Variants in NPAS3 observed in about 807,000 individuals in gnomAD.
NPAS3 encodes neuronal PAS domain-containing protein 3.
NPAS3 carries 14 observed loss-of-function variants against 73.1 expected under a neutral mutation model. The ratio of observed to expected loss-of-function variants is 0.19; its 90% CI spans 0.13 to 0.30. The LOEUF (loss-of-function observed/expected upper bound fraction) is 0.30. NPAS3 is among the 10% of genes least tolerant of loss of function. The pLI is 1.00. For missense variants in NPAS3, 1,096 were observed against 1,250.0 expected (o/e 0.88, Z 1.86); for synonymous variants, 620 against 541.5 (o/e 1.14, Z -2.01).
chr14:33,015,126 G>T (rs569513671), intron 1 of NPAS3, among the ~76,000 whole-genome samples: 1 of 152,136 alleles, frequency 6.6e-6, no homozygotes, highest in Non-Finnish European at 1.5e-5. Flanking sequence ...GAAGCCAGGG[G>T]GTGCTACCAG....
chr14:33,228,535 A>G (rs577281190), intron 3 of NPAS3, among the ~76,000 whole-genome samples: 1 of 152,330 alleles, frequency 6.6e-6, no homozygotes, highest in Admixed American at 6.5e-5. Flanking sequence ...AGTAGGTTTT[A>G]AGATATCAAT....
At chr14:33,698,344 A>G (rs2060442641) in intron 6 of NPAS3, among the ~76,000 whole-genome samples, 1 of 152,222 alleles carries the variant, frequency 6.6e-6, no homozygotes, top group South Asian at 2.1e-4. Flanking sequence ...TGAGTAAACA[A>G]TCTGTGGCTT....
intron 6 of NPAS3, among the ~76,000 whole-genome samples, chr14:33,730,029 A>G (rs1445047609): frequency 1.3e-5 from 2 of 152,190 alleles, no homozygotes; most frequent in African/African-American, 4.8e-5. Context: ...ATATATATAC[A>G]GACATACACA....
At chr14:33,553,290 T>C (rs542209276) in intron 4 of NPAS3, among the ~76,000 whole-genome samples, 1 of 152,300 alleles carries the variant, frequency 6.6e-6, no homozygotes, top group East Asian at 1.9e-4. Flanking sequence ...GCTCAGAAAG[T>C]GGGTCTCTTT....
chr14:33,352,534 C>T (rs1463884968), intron 3 of NPAS3, among the ~76,000 whole-genome samples: 6 of 152,216 alleles, frequency 3.9e-5, no homozygotes, highest in African/African-American at 1.4e-4. Context: ...AAACTAAGAT[C>T]TGGATGTCAG....
intron 3 of NPAS3, among the ~76,000 whole-genome samples, chr14:33,339,164 ATTTATTATTG>A (rs2044360002): frequency 1.3e-5 from 2 of 152,300 alleles, no homozygotes; most frequent in East Asian, 3.9e-4. Context: ...CCTGCCATTT[ATTTATTATTG>A]TTACGCTAAA....
chr14:33,566,933 C>T (rs141126865), intron 5 of NPAS3, among the ~76,000 whole-genome samples: 1 of 152,212 alleles, frequency 6.6e-6, no homozygotes, highest in African/African-American at 2.4e-5. Context: ...CCAGTGGCAG[C>T]CTCTTTGCAG....
At chr14:33,022,143 C>T (rs2039620846) in intron 1 of NPAS3, among the ~76,000 whole-genome samples, 2 of 152,206 alleles carry the variant, frequency 1.3e-5, no homozygotes, top group South Asian at 4.2e-4. Flanking sequence ...CGTGATTGGC[C>T]TTTAAAAGGT....
At chr14:33,522,940 G>A (rs2053621888) in intron 4 of NPAS3, among the ~76,000 whole-genome samples, 1 of 152,052 alleles carries the variant, frequency 6.6e-6, no homozygotes, top group Non-Finnish European at 1.5e-5. Context: ...TGTGTAATAT[G>A]TGTGTTTACT....
At chr14:33,560,844 T>C (rs758501324) in intron 5 of NPAS3, among the ~76,000 whole-genome samples, 4 of 152,168 alleles carry the variant, frequency 2.6e-5, no homozygotes, top group Non-Finnish European at 5.9e-5. Flanking sequence ...GGATGTTACT[T>C]CTCGATATTC....
chr14:33,059,610 T>C (rs1294181505), intron 2 of NPAS3, among the ~76,000 whole-genome samples: 1 of 152,246 alleles, frequency 6.6e-6, no homozygotes, highest in Non-Finnish European at 1.5e-5. Flanking sequence ...TTTAGTGGTC[T>C]TTTACAGTTT....
intron 4 of NPAS3, among the ~76,000 whole-genome samples, chr14:33,528,284 CATTCATGCAGT>C (rs1566974696): frequency 2.0e-5 from 3 of 151,892 alleles, no homozygotes; most frequent in Non-Finnish European, 4.4e-5. Flanking sequence ...CCAAGCTGCA[CATTCATGCAGT>C]ATTCACTTAT....
intron 5 of NPAS3, among the ~76,000 whole-genome samples, chr14:33,613,548 T>C (rs1183378181): frequency 6.6e-6 from 1 of 152,100 alleles, no homozygotes; most frequent in Non-Finnish European, 1.5e-5. Flanking sequence ...TGGTGCTACA[T>C]TCTGCTCCTA....
chr14:33,680,505 T>C (rs971830229), intron 6 of NPAS3: 2 of 675,892 alleles, frequency 3.0e-6, no homozygotes, highest in East Asian at 2.7e-5. Context: ...GGGTTTTTTG[T>C]ATTTCTTTCT....
rs35229678 is a variant in NPAS3 at position 32,978,522 on chromosome 14, GT to G, written c.50+39166del. 7.5e-3 allele frequency among the ~76,000 whole-genome samples: 1,121 copies of G among 148,874 alleles called. 16 individuals are homozygous for G. The highest frequency in any genetic ancestry group is 0.023 in the African/African-American group (935 of 40,676). On this transcript the variant is annotated intron_variant, in intron 1 of 11. Coordinates refer to ENST00000356141, the Ensembl canonical transcript of NPAS3. ...GTTTGTGTATTTATAAATATTAGCAGTTTTTTTTTTGTGGATTGGGGAGCTA... is the reference window on the plus strand; with the variant it reads ...GTTTGTGTATTTATAAATATTAGCAGTTTTTTTTTGTGGATTGGGGAGCTA...
chr14:33,660,732 C>T (rs1377787519), intron 5 of NPAS3, among the ~76,000 whole-genome samples: 3 of 152,154 alleles, frequency 2.0e-5, no homozygotes, highest in Non-Finnish European at 4.4e-5. Context: ...ATCCCGGGTT[C>T]TTCTGCAGAA....
chr14:33,678,364 A>G (rs557064422), intron 6 of NPAS3, among the ~76,000 whole-genome samples: 97 of 152,180 alleles, frequency 6.4e-4, no homozygotes, highest in Non-Finnish European at 1.2e-3. Context: ...CTTCTTCCCT[A>G]TCCTAGCTTC....
At chr14:33,317,697 C>T (rs555026878) in intron 3 of NPAS3, among the ~76,000 whole-genome samples, 6 of 152,092 alleles carry the variant, frequency 3.9e-5, no homozygotes, top group African/African-American at 9.6e-5. Context: ...GCTTCCCCTT[C>T]GGCCATGATT....
intron 2 of NPAS3, among the ~76,000 whole-genome samples, chr14:33,196,701 G>T (rs1036807640): frequency 2.0e-5 from 3 of 152,186 alleles, no homozygotes; most frequent in African/African-American, 7.2e-5. Context: ...TGTACAAATT[G>T]TTCAAGAGCT....
Sources: allele counts gnomAD v4.1 joint callset (sites outside exome capture counted in the v4.1 genomes callset), GRCh38; gene constraint gnomAD v4.1.1; transcripts MANE v1.5; gene names NCBI Gene and HGNC (gene_info 2026-07-23, HGNC 2026-07-21).